Variants in PDE11A observed in about 807,000 individuals in gnomAD.
The protein encoded by PDE11A is dual 3',5'-cyclic-AMP and -GMP phosphodiesterase 11A.
PDE11A carries 100 observed loss-of-function variants against 100.5 expected under a neutral mutation model. The observed-to-expected ratio is 1.00, with a 90% CI of 0.85 to 1.18. The LOEUF is 1.18. Among genes scored for constraint, PDE11A ranks in the 50% most tolerant of loss-of-function variants. PDE11A has a pLI of 0.00. For missense variants in PDE11A, 1,141 were observed against 1,152.6 expected, an observed-to-expected ratio of 0.99 and a Z score of 0.15; for synonymous variants, 381 against 420.8, an observed-to-expected ratio of 0.91 and a Z score of 1.16.
rs375213483 is a variant in PDE11A at position 177,727,979 on chromosome 2, C to T, written c.1935+47G>A. On this transcript the variant is annotated intron_variant, in intron 11 of 19. Transcript: ENST00000286063. Reference sequence around the variant, plus strand: ...AACCAGTGGTTCAGAGTGGCTAACACGTTGTCCCAGGTGAACTGCTTGGAT... The same window carrying T: ...AACCAGTGGTTCAGAGTGGCTAACATGTTGTCCCAGGTGAACTGCTTGGAT... 4.8e-4 allele frequency: 753 copies of T among 1,563,318 alleles called. 14 individuals are homozygous for T. The South Asian group carries it at 7.7e-3, about 16-fold the overall frequency.
In PDE11A at chr2:177,628,849, T is replaced by C. The variant is rs2079873945; in HGVS notation, c.*558A>G. 4 of 171,134 alleles carry C rather than the reference T, an allele frequency of 2.3e-5. No homozygotes were observed. The highest frequency in any genetic ancestry group is 3.8e-5 in the Non-Finnish European group (3 of 78,692). 10.6% of individuals were successfully genotyped at this position (171,134 alleles called of 1,614,324 possible). On this transcript the variant is annotated 3_prime_UTR_variant, in exon 20 of 20. Transcript: ENST00000286063. ...TGGGATTGATCAGTATTTATAAGGA[T>C]AGTATAGTTTACCTTTTAGGTAGGC...
intron 2 of PDE11A, among the ~76,000 whole-genome samples, chr2:177,909,062 C>A (rs1263587136): frequency 6.6e-6 from 1 of 152,114 alleles, no homozygotes; most frequent in African/African-American, 2.4e-5. Context: ...TCAGGAAAAG[C>A]AACACCACAA....
intron 5 of PDE11A, among the ~76,000 whole-genome samples, chr2:177,869,340 G>A (rs144800444): frequency 1.3e-5 from 2 of 152,324 alleles, no homozygotes; most frequent in East Asian, 3.9e-4. Flanking sequence ...GGGAAGAATG[G>A]AGCTCATTCA....
intron 4 of PDE11A, among the ~76,000 whole-genome samples, chr2:177,893,878 A>G (rs1362437149): frequency 6.6e-6 from 1 of 152,190 alleles, no homozygotes; most frequent in Admixed American, 6.5e-5. Context: ...TTATTATAAA[A>G]ATATACCTAT....
At chr2:177,820,392 C>T (rs1390339943) in intron 6 of PDE11A, 97 bp from the exon 7 acceptor site, 2 of 761,340 alleles carry the variant, frequency 2.6e-6, no homozygotes, top group African/African-American at 3.5e-5. Context: ...TCAAAAATAA[C>T]TTTTTAAAGC....
At chr2:177,825,691 C>T (rs933255409) in intron 6 of PDE11A, among the ~76,000 whole-genome samples, 1 of 152,140 alleles carries the variant, frequency 6.6e-6, no homozygotes, top group Non-Finnish European at 1.5e-5. Flanking sequence ...AAGAATCATT[C>T]CTGTTCACCA....
intron 16 of PDE11A, chr2:177,676,061 C>G: frequency 5.0e-6 from 1 of 198,340 alleles, no homozygotes; most frequent in South Asian, 8.8e-5. Flanking sequence ...CTCCAGTTTA[C>G]TACCTGGCTC....
intron 1 of PDE11A, among the ~76,000 whole-genome samples, chr2:178,052,945 G>A (rs932660170): frequency 2.0e-5 from 3 of 152,160 alleles, no homozygotes; most frequent in South Asian, 2.1e-4. Context: ...ACAAAGAGGA[G>A]CTGGTACCAT....
At chr2:177,746,938 C>G (rs1349791895) in intron 10 of PDE11A, among the ~76,000 whole-genome samples, 2 of 151,988 alleles carry the variant, frequency 1.3e-5, no homozygotes, top group Non-Finnish European at 2.9e-5. Context: ...AAGATAGATA[C>G]CAGAGGAAAC....
rs1165488576 is a variant in PDE11A at position 178,071,520 on chromosome 2, T to C, written c.912+6A>G. 1 of 1,613,044 alleles carries C rather than the reference T, an allele frequency of 6.2e-7. No individual in the cohort carries two copies. The highest frequency in any genetic ancestry group is 1.1e-5 in the South Asian group (1 of 91,020). Reference sequence around the variant, plus strand: ...TCTGGGAGAAGGGGACAATGCAAAGTCCTACCTGGTAGGCATCAGGAATGT... The same window carrying C: ...TCTGGGAGAAGGGGACAATGCAAAGCCCTACCTGGTAGGCATCAGGAATGT... On this transcript the variant is annotated splice_donor_region_variant and intron_variant, in intron 1 of 19. Coordinates refer to ENST00000286063, the MANE Select transcript of PDE11A (RefSeq NM_016953.4).
At chr2:177,879,092 T>C (rs2084288468) in intron 4 of PDE11A, among the ~76,000 whole-genome samples, 1 of 152,202 alleles carries the variant, frequency 6.6e-6, no homozygotes, top group African/African-American at 2.4e-5. Context: ...GCCTACTTCT[T>C]ACTATTGATT....
chr2:177,744,946 C>T (rs1038347572), intron 10 of PDE11A, among the ~76,000 whole-genome samples: 4 of 152,202 alleles, frequency 2.6e-5, no homozygotes, highest in African/African-American at 9.7e-5. Flanking sequence ...GAAGGAGCAA[C>T]AGAGCCACAG....
intron 2 of PDE11A, among the ~76,000 whole-genome samples, chr2:177,987,229 C>T (rs979628503): frequency 4.6e-5 from 7 of 152,242 alleles, no homozygotes; most frequent in African/African-American, 1.7e-4. Context: ...CTCTCTAACC[C>T]TTAAGGGGAT....
chr2:177,767,557 G>A (rs560251297), intron 10 of PDE11A, among the ~76,000 whole-genome samples: 2 of 152,074 alleles, frequency 1.3e-5, no homozygotes, highest in South Asian at 4.2e-4. Context: ...TCATAAATAG[G>A]ATTCCTAAAT....
intron 2 of PDE11A, among the ~76,000 whole-genome samples, chr2:177,923,951 A>G (rs2085091236): frequency 6.6e-6 from 1 of 152,204 alleles, no homozygotes; most frequent in African/African-American, 2.4e-5. Context: ...TTAATAAATA[A>G]CACAGTCTGT....
chr2:178,062,783 T>C (rs1010551560), intron 1 of PDE11A, among the ~76,000 whole-genome samples: 2 of 152,206 alleles, frequency 1.3e-5, no homozygotes. Flanking sequence ...GATAAAGTAG[T>C]ACATGCAACA....
chr2:177,909,365 T>G (rs961847710), intron 2 of PDE11A, among the ~76,000 whole-genome samples: 1 of 152,164 alleles, frequency 6.6e-6, no homozygotes, highest in Admixed American at 6.5e-5. Flanking sequence ...CTCACTGTAC[T>G]GGGAATGCAC....
chr2:178,052,652 A>G (rs932626067), intron 1 of PDE11A, among the ~76,000 whole-genome samples: 8 of 152,208 alleles, frequency 5.3e-5, no homozygotes, highest in Non-Finnish European at 1.0e-4. Flanking sequence ...GAAGAATCAA[A>G]TAGATGCAAT....
intron 19 of PDE11A, among the ~76,000 whole-genome samples, chr2:177,656,548 C>T (rs748797899): frequency 4.6e-5 from 7 of 152,352 alleles, no homozygotes; most frequent in Non-Finnish European, 1.0e-4. Flanking sequence ...CATTCCACTG[C>T]TTATACTGCA....
Sources: allele counts gnomAD v4.1 joint callset (sites outside exome capture counted in the v4.1 genomes callset), GRCh38; gene constraint gnomAD v4.1.1; transcripts MANE v1.5; gene names NCBI Gene and HGNC (gene_info 2026-07-23, HGNC 2026-07-21).